Variants in PTPRD observed in about 807,000 individuals in gnomAD.
PTPRD encodes the protein receptor-type tyrosine-protein phosphatase delta.
A neutral mutation model predicts 214.5 loss-of-function variants in PTPRD; 34 were observed. The observed-to-expected ratio is 0.16, with a 90% CI of 0.12 to 0.21. PTPRD has a LOEUF of 0.21. Ranked by LOEUF, PTPRD falls within the 10% of genes least tolerant of loss-of-function variation. PTPRD has a pLI of 1.00. For missense variants in PTPRD, 2,545 were observed against 2,398.7 expected, an observed-to-expected ratio of 1.06 and a Z score of -1.27; for synonymous variants, 1,128 against 845.7, an observed-to-expected ratio of 1.33 and a Z score of -5.79.
chr9:9,764,322 T>C (rs970548312), intron 6 of PTPRD, among the ~76,000 whole-genome samples: 1 of 152,162 alleles, frequency 6.6e-6, no homozygotes, highest in African/African-American at 2.4e-5. Context: ...TTAAATCAAA[T>C]GCATTCAAAA....
chr9:9,371,664 G>A (rs2059533049), intron 9 of PTPRD, among the ~76,000 whole-genome samples: 1 of 152,184 alleles, frequency 6.6e-6, no homozygotes, highest in African/African-American at 2.4e-5. Flanking sequence ...GCTTTTGAAT[G>A]TCTTTGCTCT....
At chr9:10,370,331 T>A (rs1231381556) in intron 2 of PTPRD, among the ~76,000 whole-genome samples, 1 of 152,078 alleles carries the variant, frequency 6.6e-6, no homozygotes, top group Admixed American at 6.6e-5. Flanking sequence ...TTACTAAAAT[T>A]TTCAGGTGAA....
At chr9:8,394,229 G>T (rs1363750299) in intron 36 of PTPRD, among the ~76,000 whole-genome samples, 1 of 151,690 alleles carries the variant, frequency 6.6e-6, no homozygotes, top group African/African-American at 2.4e-5. Flanking sequence ...TTGATTTTTG[G>T]GGCCAGAAGA....
chr9:8,939,394 T>C (rs180993263), intron 11 of PTPRD, among the ~76,000 whole-genome samples: 11 of 149,104 alleles, frequency 7.4e-5, no homozygotes, highest in Middle Eastern at 6.8e-3. Flanking sequence ...GACAGACAGA[T>C]GCATACTCTT....
At chr9:8,388,329 T>G (rs930720200) in intron 37 of PTPRD, among the ~76,000 whole-genome samples, 2 of 152,180 alleles carry the variant, frequency 1.3e-5, no homozygotes, top group Admixed American at 6.5e-5. Flanking sequence ...AAATATCCTT[T>G]TTGAGACTAC....
chr9:10,010,108 G>A (rs1350945546), intron 4 of PTPRD, among the ~76,000 whole-genome samples: 1 of 151,718 alleles, frequency 6.6e-6, no homozygotes, highest in Non-Finnish European at 1.5e-5. Context: ...CAATCTAATC[G>A]GTTGGTATTA....
intron 8 of PTPRD, among the ~76,000 whole-genome samples, chr9:9,423,117 G>A (rs147872553): frequency 1.3e-5 from 2 of 152,196 alleles, no homozygotes; most frequent in East Asian, 3.9e-4. Context: ...TACTCCATCT[G>A]CCTGCTAGAA....
intron 10 of PTPRD, among the ~76,000 whole-genome samples, chr9:9,162,577 T>A (rs1487177380): frequency 1.3e-5 from 2 of 152,070 alleles, no homozygotes; most frequent in African/African-American, 2.4e-5. Context: ...TCCTTAGAAA[T>A]ACTGTAAATT....
chr9:10,085,264 T>A (rs1186827804), intron 3 of PTPRD, among the ~76,000 whole-genome samples: 2 of 151,916 alleles, frequency 1.3e-5, no homozygotes, highest in Non-Finnish European at 2.9e-5. Flanking sequence ...GAGAATTTTT[T>A]AAAAAACTAC....
intron 7 of PTPRD, among the ~76,000 whole-genome samples, chr9:9,697,466 A>C (rs2097400616): frequency 6.6e-6 from 1 of 151,680 alleles, no homozygotes; most frequent in Admixed American, 6.6e-5. Context: ...TTTGTTTCAG[A>C]GTTTTCATTT....
chr9:9,478,794 A>T lies in PTPRD; in HGVS notation c.-236-81312T>A, dbSNP rs564768028. On this transcript the variant is annotated intron_variant, in intron 8 of 45. Coordinates refer to ENST00000381196, the MANE Select transcript of PTPRD (RefSeq NM_002839.4). ...TTCAAGTGCCTCTTCTTTGTTAAAG[A>T]TGCTGCTCGAGTTTAATCCTCAGAA... 4.6e-5 allele frequency among the ~76,000 whole-genome samples: 7 copies of T among 152,350 alleles called. No individual in the cohort carries two copies. The East Asian group carries it at 1.2e-3, about 25-fold the overall frequency.
At chr9:9,439,300 T>A (rs1420339338) in intron 8 of PTPRD, among the ~76,000 whole-genome samples, 1 of 152,052 alleles carries the variant, frequency 6.6e-6, no homozygotes, top group Admixed American at 6.6e-5. Context: ...TATTAGAAAA[T>A]TCATTCATGC....
chr9:9,837,803 A>G (rs541258793), intron 5 of PTPRD, among the ~76,000 whole-genome samples: 1 of 152,184 alleles, frequency 6.6e-6, no homozygotes, highest in South Asian at 2.1e-4. Flanking sequence ...GTTTTAGGGT[A>G]CATGTGCACA....
intron 10 of PTPRD, among the ~76,000 whole-genome samples, chr9:9,075,580 G>A (rs1002245926): frequency 2.0e-5 from 3 of 151,886 alleles, no homozygotes; most frequent in African/African-American, 7.2e-5. Flanking sequence ...CCCACAACAG[G>A]CCCTGATGTG....
At chr9:10,392,187 C>T (rs2154491663) in intron 2 of PTPRD, among the ~76,000 whole-genome samples, 1 of 152,070 alleles carries the variant, frequency 6.6e-6, no homozygotes, top group Admixed American at 6.6e-5. Flanking sequence ...GAGTTTAGTG[C>T]ATTTTCTATC....
intron 35 of PTPRD, among the ~76,000 whole-genome samples, chr9:8,411,023 A>G (rs1036763027): frequency 5.9e-5 from 9 of 152,100 alleles, no homozygotes; most frequent in African/African-American, 2.2e-4. Flanking sequence ...TCCCAGAAGT[A>G]TATTAGAATT....
At chr9:9,027,475 A>G (rs1042722022) in intron 10 of PTPRD, among the ~76,000 whole-genome samples, 1 of 151,962 alleles carries the variant, frequency 6.6e-6, no homozygotes, top group African/African-American at 2.4e-5. Context: ...TCTCATAAAT[A>G]TAAATTTTGG....
chr9:9,124,580 A>C (rs2154468117), intron 10 of PTPRD, among the ~76,000 whole-genome samples: 1 of 152,312 alleles, frequency 6.6e-6, no homozygotes, highest in South Asian at 2.1e-4. Flanking sequence ...GCCTTTAAAA[A>C]AATACAAAGA....
intron 2 of PTPRD, among the ~76,000 whole-genome samples, chr9:10,485,758 G>C (rs764433612): frequency 6.6e-6 from 1 of 151,728 alleles, no homozygotes; most frequent in Non-Finnish European, 1.5e-5. Flanking sequence ...ATTTTTTTTG[G>C]TGGAATCTTT....
Sources: allele counts gnomAD v4.1 joint callset (sites outside exome capture counted in the v4.1 genomes callset), GRCh38; gene constraint gnomAD v4.1.1; transcripts MANE v1.5; gene names NCBI Gene and HGNC (gene_info 2026-07-23, HGNC 2026-07-21).